GATB: variants seen among roughly 807,000 people sequenced by gnomAD.
GATB encodes the protein glutamyl-tRNA amidotransferase subunit B, also known as glutamyl-tRNA(Gln) amidotransferase subunit B, mitochondrial.
Under a neutral mutation model 62.3 loss-of-function variants are expected in GATB, and 39 were observed. The observed-to-expected ratio is 0.63, with a 90% CI of 0.48 to 0.82. The LOEUF (loss-of-function observed/expected upper bound fraction) is 0.82. Ranked by LOEUF, GATB falls within the 40% of genes least tolerant of loss-of-function variation. The pLI is 0.00. For missense variants in GATB, 670 were observed against 684.0 expected (o/e 0.98, Z 0.23); for synonymous variants, 276 against 258.9 (o/e 1.07, Z -0.63).
chr4:151,677,714 C>T (rs1738037233), intron 11 of GATB: 1 of 152,100 alleles, frequency 6.6e-6, no homozygotes, highest in African/African-American at 2.4e-5. Flanking sequence ...CCCATTTAGC[C>T]CTAAAAAGGC....
chr4:151,678,883 G>GTT (rs59396137), intron 11 of GATB, among the ~76,000 whole-genome samples: 144 of 151,966 alleles, frequency 9.5e-4, no homozygotes, highest in African/African-American at 3.2e-3. Flanking sequence ...CTGGTTATGT[G>GTT]TTTTTTTTGT....
chr4:151,748,120 A>G (rs1371936700), intron 2 of GATB, among the ~76,000 whole-genome samples: 1 of 152,256 alleles, frequency 6.6e-6, no homozygotes, highest in Non-Finnish European at 1.5e-5. Context: ...TGCCATCCCC[A>G]TCAAGCTACT....
intron 11 of GATB, chr4:151,676,603 G>A (rs1297573814): frequency 1.3e-5 from 2 of 152,262 alleles, no homozygotes; most frequent in East Asian, 1.9e-4. Flanking sequence ...ATGTGTCCAA[G>A]CTGACCCTGT....
intron 10 of GATB, among the ~76,000 whole-genome samples, chr4:151,682,394 C>T (rs1738158137): frequency 6.6e-6 from 1 of 152,224 alleles, no homozygotes. Context: ...AATAAACCCT[C>T]AGACTCGACA....
At chr4:151,736,674 AG>A (rs1739380556) in intron 2 of GATB, among the ~76,000 whole-genome samples, 2 of 152,348 alleles carry the variant, frequency 1.3e-5, no homozygotes, top group South Asian at 4.1e-4. Flanking sequence ...TAAAAACATG[AG>A]TACTGATATG....
chr4:151,726,598 G>A (rs1042256634), intron 2 of GATB, among the ~76,000 whole-genome samples: 2 of 152,168 alleles, frequency 1.3e-5, no homozygotes, highest in African/African-American at 2.4e-5. Context: ...CCTCTTTCCC[G>A]AAGGGGAAAG....
In GATB at chr4:151,730,830, C is replaced by G. The variant is rs986392269; in HGVS notation, c.328-11292G>C. On this transcript the variant is annotated intron_variant, in intron 2 of 12. Coordinates refer to ENST00000263985, the MANE Select transcript of GATB (RefSeq NM_004564.3). The surrounding 1 kb of genome is among the most constrained non-coding windows in gnomAD (Gnocchi z 4.1). ...CAGAGCCTACCCAAATGAGAAGGAA[C>G]GAGAAAACCAACGCTGGTAATATGA... is the stretch of plus-strand genomic sequence containing the variant. 2.6e-5 allele frequency among the ~76,000 whole-genome samples: 4 copies of G among 152,166 alleles called. No homozygotes were observed. Among genetic ancestry groups the G allele is most frequent in the African/African-American group, 7.2e-5 (3 of 41,434 alleles).
At chr4:151,691,485 C>T (rs1738365106) in intron 9 of GATB, among the ~76,000 whole-genome samples, 1 of 152,182 alleles carries the variant, frequency 6.6e-6, no homozygotes, top group Non-Finnish European at 1.5e-5. Context: ...CTCCGCCTCT[C>T]AGACATTAAC....
At chr4:151,746,167 G>A (rs910529840) in intron 2 of GATB, among the ~76,000 whole-genome samples, 8 of 152,222 alleles carry the variant, frequency 5.3e-5, no homozygotes, top group African/African-American at 1.9e-4. Context: ...CCAGGAGAGG[G>A]CAAGCATTTC....
At chr4:151,696,495 G>A (rs1043996813) in intron 9 of GATB, among the ~76,000 whole-genome samples, 5 of 152,330 alleles carry the variant, frequency 3.3e-5, no homozygotes, top group Middle Eastern at 3.4e-3. Context: ...ATATGCAAGC[G>A]GGCAGCAGAG....
intron 2 of GATB, among the ~76,000 whole-genome samples, chr4:151,746,216 G>A (rs1407554011): frequency 6.6e-6 from 1 of 152,212 alleles, no homozygotes; most frequent in Non-Finnish European, 1.5e-5. Context: ...GTGTAAACAT[G>A]GGTTTGCACA....
chr4:151,746,321 T>A (rs1739592907), intron 2 of GATB, among the ~76,000 whole-genome samples: 1 of 152,244 alleles, frequency 6.6e-6, no homozygotes, highest in Non-Finnish European at 1.5e-5. Context: ...GTAAAGCCCA[T>A]GACATTTTAC....
chr4:151,744,275 T>C lies in GATB; in HGVS notation c.327+14497A>G, dbSNP rs192966494. 1.2e-4 allele frequency among the ~76,000 whole-genome samples: 19 copies of C among 152,328 alleles called. No homozygotes were observed. In the East Asian group the frequency reaches 1.5e-3, roughly 12 times the overall value. ...GCACGTGTATGTACGTGTATGCAAG[T>C]ATATAGGGAAATATTTACAAGGGGT... On this transcript the variant is annotated intron_variant, in intron 2 of 12. Transcript: ENST00000263985.
At chr4:151,744,000 A>G (rs1214825664) in intron 2 of GATB, among the ~76,000 whole-genome samples, 1 of 152,228 alleles carries the variant, frequency 6.6e-6, no homozygotes, top group Non-Finnish European at 1.5e-5. Flanking sequence ...AAAACACTGT[A>G]ATATGAAACC....
At chr4:151,684,649 C>T (rs1008002213) in intron 10 of GATB, among the ~76,000 whole-genome samples, 6 of 152,200 alleles carry the variant, frequency 3.9e-5, no homozygotes, top group Non-Finnish European at 5.9e-5. Flanking sequence ...TCCAGCTAAA[C>T]GTTCTTTGAA....
At chr4:151,700,479 T>A (rs1416891709) in intron 9 of GATB, among the ~76,000 whole-genome samples, 1 of 152,180 alleles carries the variant, frequency 6.6e-6, no homozygotes, top group Non-Finnish European at 1.5e-5. Context: ...TTATTGGAAG[T>A]GTATAAATAG....
At chr4:151,708,762 G>A (rs1738763979) in intron 5 of GATB, among the ~76,000 whole-genome samples, 1 of 152,260 alleles carries the variant, frequency 6.6e-6, no homozygotes, top group African/African-American at 2.4e-5. Context: ...GAAGTCAGGA[G>A]TCTGTGGTGG....
At chr4:151,753,319 A>G (rs1739758677) in intron 2 of GATB, among the ~76,000 whole-genome samples, 1 of 152,118 alleles carries the variant, frequency 6.6e-6, no homozygotes, top group African/African-American at 2.4e-5. Flanking sequence ...CACCTCAGCC[A>G]GCCTTCCACA....
intron 9 of GATB, among the ~76,000 whole-genome samples, chr4:151,697,989 A>ATATATATATATATATT: frequency 7.1e-6 from 1 of 141,062 alleles, no homozygotes; most frequent in African/African-American, 2.7e-5. Flanking sequence ...ATATATATAT[A>ATATATATATATATATT]TATATGAAAT....
Sources: allele counts gnomAD v4.1 joint callset (sites outside exome capture counted in the v4.1 genomes callset), GRCh38; gene constraint gnomAD v4.1.1; non-coding constraint Gnocchi (gnomAD v3.1); transcripts MANE v1.5; gene names NCBI Gene and HGNC (gene_info 2026-07-23, HGNC 2026-07-21).